The following SLC50A1 variants were observed in gnomAD, a reference collection of about 807,000 sequenced individuals.
The protein encoded by SLC50A1 is solute carrier family 50 member 1.
In SLC50A1, 22 loss-of-function variants were observed where a neutral mutation model predicts 28.9. That is an observed-to-expected ratio of 0.76 (90% CI 0.54 to 1.09). The LOEUF is 1.09. SLC50A1 is among the 50% of genes least tolerant of loss of function. The pLI is 0.00. For synonymous variants in SLC50A1, 96 were observed against 110.6 expected, an observed-to-expected ratio of 0.87 and a Z score of 0.83; for missense variants, 233 against 273.4, an observed-to-expected ratio of 0.85 and a Z score of 1.04.
Position 155,136,338 on chromosome 1 carries a change from C to T in SLC50A1, c.120C>T (p.Asp40=), listed in dbSNP as rs1391440419. 1.9e-6 allele frequency: 3 copies of T among 1,612,230 alleles called. No individual in the cohort carries two copies. Among genetic ancestry groups the T allele is most frequent in the Non-Finnish European group, 2.5e-6 (3 of 1,179,334 alleles). ...ACATGCGAATGACCCGGAGTGTGGA[C>T]AACGTCCAGTTCCTGCCCTTTCTCA... ...LRHMRMTRSV[D]NVQFLPFLTT... is the part of the protein sequence containing the mutation. Residue 40 remains aspartate (D), a synonymous_variant, in exon 2 of 6, where the codon GAC becomes GAT. Transcript: ENST00000368404.
upstream of SLC50A1, chr1:155,135,559 C>G: frequency 6.5e-7 from 1 of 1,538,666 alleles, no homozygotes; most frequent in Non-Finnish European, 8.8e-7. Context: ...CCTGTGGGAA[C>G]ACGAGCGTTG....
At chr1:155,135,543 C>T (rs1664379835), upstream of SLC50A1, 2 of 1,510,386 alleles carry the variant, frequency 1.3e-6, no homozygotes, top group South Asian at 2.5e-5. Context: ...GCCGAAGGCG[C>T]ACAGGCCTGT....
chr1:155,138,155 C>T lies in SLC50A1; in HGVS notation c.565-25C>T, dbSNP rs779327831. 6.2e-6 allele frequency: 10 copies of T among 1,614,064 alleles called. No homozygotes were observed. The African/African-American group carries it at 9.3e-5, about 15-fold the overall frequency. ...GCAAGATGGAAAACTGGCTCCTCTC[C>T]TCATAGCAGTTCTTGTGATTTCAGG... On this transcript the variant is annotated intron_variant, in intron 5 of 5. Coordinates refer to ENST00000368404, the MANE Select transcript of SLC50A1 (RefSeq NM_018845.4).
At chr1:155,135,719 G>A (rs947324452), upstream of SLC50A1, 1 of 1,549,804 alleles carries the variant, frequency 6.5e-7, no homozygotes, top group Non-Finnish European at 8.7e-7. Context: ...CGGAGGAGAG[G>A]GGCGCGAGTT....
At position 155,137,758 on chromosome 1, in the gene SLC50A1, G is replaced by C. The variant is rs577795246; in HGVS notation, c.444+36G>C. 22 of 1,611,648 alleles carry C rather than the reference G, an allele frequency of 1.4e-5. No homozygotes were observed. The African/African-American group carries it at 2.5e-4, about 19-fold the overall frequency. The stretch of plus-strand genomic sequence containing the variant: ...GTGTCCAAGGAGGTAGGAGAGATAA[G>C]AGTCAGGCTCTCATAGCCAAATACT... On this transcript the variant is annotated intron_variant, in intron 4 of 5. Coordinates refer to ENST00000368404, the MANE Select transcript of SLC50A1 (RefSeq NM_018845.4).
rs1248514082 is a variant in SLC50A1 at position 155,137,106 on chromosome 1, C to A, written c.282+155C>A. ...AGGTCCCCTTCCTCTATGAAGCCAG[C>A]CTTCTGAGATGAACACATTGCCCCC... On this transcript the variant is annotated intron_variant, in intron 3 of 5. Transcript: ENST00000368404. The A allele has an allele frequency of 3.1e-6, 3 of 977,760 alleles. No individual in the cohort carries two copies. In the African/African-American group the frequency reaches 4.9e-5, roughly 16 times the overall value. The allele number at this position is 977,760 out of a possible 1,614,324, so 60.6% of individuals were successfully genotyped here. A position where few individuals can be genotyped will look rare whatever the true frequency, so the allele number is the denominator to read the frequency against.
rs1309260425 is a variant in SLC50A1, at chr1:155,136,813, C to T, written c.159-15C>T. 1 of 1,613,986 alleles carries T rather than the reference C, an allele frequency of 6.2e-7. No individual in the cohort carries two copies. Among genetic ancestry groups the T allele is most frequent in the East Asian group, 2.2e-5 (1 of 44,898 alleles). ...CTGAACCCTTTGAGCCATGTCCATCCCCTCCACCCTGCAGCAACCTGGGCT... is the reference window on the plus strand; with the variant it reads ...CTGAACCCTTTGAGCCATGTCCATCTCCTCCACCCTGCAGCAACCTGGGCT... On this transcript the variant is annotated splice_polypyrimidine_tract_variant and intron_variant, in intron 2 of 5. Transcript: ENST00000368404.
intron 4 of SLC50A1, 70 bp downstream of exon 4, chr1:155,137,792 C>T (rs1664577850): frequency 3.8e-6 from 6 of 1,591,756 alleles, no homozygotes; most frequent in South Asian, 2.2e-5. Flanking sequence ...CTATGGCTTA[C>T]AGTCCCGAGG....
chr1:155,138,510 G>GT lies in SLC50A1; in HGVS notation c.*231dup, dbSNP rs1664630285. ...GAGATTTTTTTTTTTAATTTTGGAGGTTGGGGTGCAATCTTTAGAATATGC... is the reference window on the plus strand; with the variant it reads ...GAGATTTTTTTTTTTAATTTTGGAGGTTTGGGGTGCAATCTTTAGAATATGC... On this transcript the variant is annotated 3_prime_UTR_variant, in exon 6 of 6. Transcript: ENST00000368404. 1.8e-6 allele frequency: 1 copy of GT among 544,418 alleles called. No homozygotes were observed. The highest frequency in any genetic ancestry group is 3.3e-6 in the Non-Finnish European group (1 of 307,366). 33.7% of individuals were successfully genotyped at this position (544,418 alleles called of 1,614,324 possible).
At chr1:155,135,718 G>T, upstream of SLC50A1, 1 of 1,549,870 alleles carries the variant, frequency 6.5e-7, no homozygotes, top group Non-Finnish European at 8.7e-7. Context: ...TCGGAGGAGA[G>T]GGGCGCGAGT....
chr1:155,135,747 G>T (rs749090057), upstream of SLC50A1: 2 of 1,549,532 alleles, frequency 1.3e-6, no homozygotes, highest in Non-Finnish European at 1.7e-6. Context: ...GGCGTCGGAG[G>T]GAGGGTGGGG....
chr1:155,136,528 G>T (rs1664490435), intron 2 of SLC50A1, 152 bp downstream of exon 2: 2 of 767,652 alleles, frequency 2.6e-6, no homozygotes, highest in South Asian at 3.3e-5. Context: ...CGGATCACGA[G>T]GTCAGGAGAT....
chr1:155,135,908 C>G lies in SLC50A1; in HGVS notation c.-4C>G, dbSNP rs761999353. The stretch of plus-strand genomic sequence containing the variant: ...GCTGGGCGCGGGATCCGACTCTAGT[C>G]GTAATGGAGGCGGGCGGCTTTCTGG... On this transcript the variant is annotated 5_prime_UTR_variant, in exon 1 of 6. Coordinates refer to ENST00000368404, the MANE Select transcript of SLC50A1 (RefSeq NM_018845.4). The G allele has an allele frequency of 3.7e-6, 6 of 1,613,814 alleles. No individual in the cohort carries two copies. In the Admixed American group the frequency reaches 8.3e-5, roughly 22 times the overall value.
rs1025259407 is a variant in SLC50A1 at position 155,138,037 on chromosome 1, C to A, written c.503C>A (p.Thr168Asn). ...QCLSYPLTIA[T>N]LLTSASWCLY... ...CTCTCCTACCCACTCACCATTGCTA[C>A]CCTTCTCACCTCTGCCTCCTGGTGC... The change falls in exon 5 of 6, where the codon ACC becomes AAC. Residue 168 changes from threonine (T) to asparagine (N), a missense_variant. Physicochemically the swap from Thr to Asn is moderately conservative, Grantham distance 65. Coordinates refer to ENST00000368404, the MANE Select transcript of SLC50A1 (RefSeq NM_018845.4). 6.8e-6 allele frequency: 11 copies of A among 1,614,044 alleles called. No individual in the cohort carries two copies. Among genetic ancestry groups the A allele is most frequent in the Non-Finnish European group, 7.6e-6 (9 of 1,180,036 alleles).
rs563929753 is a variant in SLC50A1, at chr1:155,136,173, C to T, written c.81-126C>T. 3.3e-3 allele frequency: 730 copies of T among 218,254 alleles called. 3 individuals are homozygous for T. The African/African-American group carries it at 0.058, about 17-fold the overall frequency. 13.5% of individuals were successfully genotyped at this position (218,254 alleles called of 1,614,324 possible). On this transcript the variant is annotated intron_variant, in intron 1 of 5. Coordinates refer to ENST00000368404, the MANE Select transcript of SLC50A1 (RefSeq NM_018845.4). ...AGGCCTGAAGGAGAAGGCAGGATAG[C>T]TGGCGGGGGGGAGAGGGGGCGGGGT...
intron 1 of SLC50A1, 149 bp from the exon 2 acceptor site, chr1:155,136,150 G>C: frequency 2.0e-6 from 1 of 510,554 alleles, no homozygotes; most frequent in Non-Finnish European, 3.3e-6. Context: ...TGGTCACTAG[G>C]CCTGAAGGAG....
intron 2 of SLC50A1, 93 bp downstream of exon 2, chr1:155,136,469 C>T (rs902569119): frequency 3.3e-6 from 4 of 1,230,748 alleles, no homozygotes; most frequent in Non-Finnish European, 4.7e-6. Flanking sequence ...TTTGGCCGGG[C>T]GCGGTGGCTC....
In SLC50A1 at chr1:155,135,918, G is replaced by C. The variant is rs758705595; in HGVS notation, c.7G>C (p.Ala3Pro). Reference protein sequence around the residue: MEAGGFLDSLIYG... With the variant: MEPGGFLDSLIYG... Reference sequence around the variant, plus strand: ...GGATCCGACTCTAGTCGTAATGGAGGCGGGCGGCTTTCTGGACTCGCTCAT... The same window carrying C: ...GGATCCGACTCTAGTCGTAATGGAGCCGGGCGGCTTTCTGGACTCGCTCAT... The change falls in exon 1 of 6, where the codon GCG (alanine) becomes CCG (proline). Residue 3 changes from alanine (A) to proline (P), a missense_variant. By Grantham distance (27) the Ala-to-Pro change is conservative. Transcript: ENST00000368404. 1 of 1,613,892 alleles carries C rather than the reference G, an allele frequency of 6.2e-7. No homozygotes were observed.
Position 155,138,216 on chromosome 1 carries a change from C to T in SLC50A1, c.601C>T (p.Arg201Cys), listed in dbSNP as rs768144521. 7.4e-6 allele frequency: 12 copies of T among 1,614,032 alleles called. No individual in the cohort carries two copies. Among genetic ancestry groups the T allele is most frequent in the Middle Eastern group, 1.6e-4 (1 of 6,084 alleles). The part of the protein sequence containing the change: ...NFPGIVTSFI[R>C]FWLFWKYPQE... ...TCCAGGAATCGTCACCAGCTTTATC[C>T]GCTTCTGGCTTTTCTGGAAGTACCC... is the stretch of plus-strand genomic sequence containing the variant. Residue 201 changes from arginine (R) to cysteine (C), a missense_variant, in exon 6 of 6, where the codon CGC becomes TGC. Physicochemically the swap from Arg to Cys is radical, Grantham distance 180. Transcript: ENST00000368404.
Sources: allele counts gnomAD v4.1 joint callset, GRCh38; gene constraint gnomAD v4.1.1; transcripts MANE v1.5; gene names NCBI Gene and HGNC (gene_info 2026-07-23, HGNC 2026-07-21).